CNTNAP4: variants seen among roughly 807,000 people sequenced by gnomAD.
CNTNAP4 encodes contactin associated protein family member 4.
In CNTNAP4, 98 loss-of-function variants were observed where a neutral mutation model predicts 148.4. That is an observed-to-expected ratio of 0.66 (90% CI 0.56 to 0.78). The LOEUF is 0.78. Ranked by LOEUF, CNTNAP4 falls within the 30% of genes least tolerant of loss-of-function variation. The probability of loss-of-function intolerance (pLI) is 0.00; values close to 1 mark genes in which losing one functional copy is unlikely to be tolerated. For synonymous variants in CNTNAP4, 730 were observed against 565.1 expected, an observed-to-expected ratio of 1.29 and a Z score of -4.14; for missense variants, 1,935 against 1,565.6, an observed-to-expected ratio of 1.24 and a Z score of -3.98.
At chr16:76,464,646 A>T (rs1020104277) in intron 9 of CNTNAP4, among the ~76,000 whole-genome samples, 4 of 152,090 alleles carry the variant, frequency 2.6e-5, no homozygotes, top group Non-Finnish European at 5.9e-5. Flanking sequence ...GTTTCCAGTT[A>T]TTTTATCTGG....
At chr16:76,331,104 T>C (rs1167097002) in intron 2 of CNTNAP4, among the ~76,000 whole-genome samples, 2 of 151,400 alleles carry the variant, frequency 1.3e-5, no homozygotes, top group Non-Finnish European at 3.0e-5. Flanking sequence ...TTCCAAAATA[T>C]GTTCTAAATA....
At chr16:76,553,583 C>G in intron 22 of CNTNAP4, 82 bp downstream of exon 22, 1 of 1,004,154 alleles carries the variant, frequency 1.0e-6, no homozygotes, top group East Asian at 2.6e-5. Context: ...GGCTTTCAGG[C>G]TACCTTCTCA....
intron 3 of CNTNAP4, among the ~76,000 whole-genome samples, chr16:76,364,894 C>G (rs996685497): frequency 6.6e-6 from 1 of 152,088 alleles, no homozygotes; most frequent in Non-Finnish European, 1.5e-5. Flanking sequence ...TCCCATTTGT[C>G]TATTTTGGTT....
intron 15 of CNTNAP4, among the ~76,000 whole-genome samples, chr16:76,516,841 A>G (rs1319197008): frequency 6.6e-6 from 1 of 152,206 alleles, no homozygotes; most frequent in Admixed American, 6.5e-5. Flanking sequence ...AGGTGGGTGG[A>G]TCACCTGAGG....
At chr16:76,479,373 G>T in intron 11 of CNTNAP4, 46 bp from the exon 12 acceptor site, 1 of 1,492,758 alleles carries the variant, frequency 6.7e-7, no homozygotes, top group South Asian at 1.4e-5. Flanking sequence ...AAAGTTAAGA[G>T]ATTCATTTCA....
intron 15 of CNTNAP4, among the ~76,000 whole-genome samples, chr16:76,515,026 A>C (rs1175357975): frequency 1.3e-5 from 2 of 152,176 alleles, no homozygotes; most frequent in East Asian, 3.9e-4. Context: ...GGAAATCTAA[A>C]AATCTAAACA....
chr16:76,534,578 T>A (rs1352381972), intron 17 of CNTNAP4, among the ~76,000 whole-genome samples: 2 of 152,174 alleles, frequency 1.3e-5, no homozygotes, highest in African/African-American at 4.8e-5. Flanking sequence ...TATGTATGAA[T>A]CTACCCAGGG....
intron 3 of CNTNAP4, among the ~76,000 whole-genome samples, chr16:76,386,328 G>A (rs981052068): frequency 6.6e-6 from 1 of 152,080 alleles, no homozygotes; most frequent in South Asian, 2.1e-4. Flanking sequence ...ATAGTAAAAT[G>A]AGCAATTTTT....
chr16:76,554,277 C>A (rs1302194851), intron 23 of CNTNAP4, among the ~76,000 whole-genome samples: 1 of 152,134 alleles, frequency 6.6e-6, no homozygotes, highest in Non-Finnish European at 1.5e-5. Context: ...CATATCACTG[C>A]TTCTGGAAAG....
In CNTNAP4 at chr16:76,553,466, A is replaced by G. The variant is rs1425793368; in HGVS notation, c.3626A>G (p.Asp1209Gly). Residue 1209 changes from aspartate (D) to glycine (G), a missense_variant, in exon 22 of 24, where the codon GAT becomes GGT. Transcript: ENST00000611870. ...AGCTGTATGGCCCAGCCTGGCACTG[A>G]TGCCACATCAAGGGAAAGGACACAC... is the stretch of plus-strand genomic sequence containing the variant. Reference protein sequence around the residue: ...ESSCMAQPGTDATSRERTHSF... With the variant: ...ESSCMAQPGTGATSRERTHSF... 1 of 1,612,348 alleles carries G rather than the reference A, an allele frequency of 6.2e-7. No homozygotes were observed. The highest frequency in any genetic ancestry group is 1.1e-5 in the South Asian group (1 of 90,564).
rs528871817 is a variant in CNTNAP4, at chr16:76,387,699, C to T, written c.390+32188C>T. On this transcript the variant is annotated intron_variant, in intron 3 of 23. Coordinates refer to ENST00000611870, the MANE Select transcript of CNTNAP4 (RefSeq NM_033401.5). ...ATGAAAATTAATGTTGTTTTAAAAACCATTGAACATGGACAAAATATTAAT... is the reference window on the plus strand; with the variant it reads ...ATGAAAATTAATGTTGTTTTAAAAATCATTGAACATGGACAAAATATTAAT... 3.9e-5 allele frequency among the ~76,000 whole-genome samples: 6 copies of T among 152,196 alleles called. No homozygotes were observed. The East Asian group carries it at 9.7e-4, about 25-fold the overall frequency.
chr16:76,293,306 G>A (rs1159898643), intron 1 of CNTNAP4, among the ~76,000 whole-genome samples: 2 of 152,002 alleles, frequency 1.3e-5, no homozygotes, highest in African/African-American at 4.8e-5. Context: ...TGTATGTTTA[G>A]TAGAGACGGG....
At chr16:76,546,349 A>G (rs987845784) in intron 21 of CNTNAP4, among the ~76,000 whole-genome samples, 3 of 152,146 alleles carry the variant, frequency 2.0e-5, no homozygotes, top group Non-Finnish European at 2.9e-5. Flanking sequence ...CTTCATCTGT[A>G]TTTACAGCTG....
intron 2 of CNTNAP4, among the ~76,000 whole-genome samples, chr16:76,342,250 T>A (rs1964524248): frequency 6.6e-6 from 1 of 152,134 alleles, no homozygotes; most frequent in African/African-American, 2.4e-5. Flanking sequence ...AAATATTACA[T>A]CCAGGCTTGC....
At chr16:76,345,329 G>A (rs1213371375) in intron 2 of CNTNAP4, among the ~76,000 whole-genome samples, 1 of 152,098 alleles carries the variant, frequency 6.6e-6, no homozygotes, top group Admixed American at 6.5e-5. Flanking sequence ...AGGTTACTGG[G>A]GAGTATGATT....
intron 1 of CNTNAP4, among the ~76,000 whole-genome samples, chr16:76,290,712 A>G (rs1393216643): frequency 6.6e-6 from 1 of 152,194 alleles, no homozygotes; most frequent in Non-Finnish European, 1.5e-5. Context: ...CCTTTCCTCC[A>G]TAAAAGCTTC....
At chr16:76,297,343 G>C (rs1218123216) in intron 1 of CNTNAP4, among the ~76,000 whole-genome samples, 1 of 152,030 alleles carries the variant, frequency 6.6e-6, no homozygotes, top group South Asian at 2.1e-4. Flanking sequence ...ACATCACAAA[G>C]TACTTGAGGT....
At chr16:76,552,432 T>G (rs1329018817) in intron 21 of CNTNAP4, among the ~76,000 whole-genome samples, 3 of 152,220 alleles carry the variant, frequency 2.0e-5, no homozygotes, top group Non-Finnish European at 4.4e-5. Flanking sequence ...ATGATAAATT[T>G]CTCTTGTTTA....
At chr16:76,430,530 T>G (rs1313207084) in intron 4 of CNTNAP4, among the ~76,000 whole-genome samples, 3 of 152,106 alleles carry the variant, frequency 2.0e-5, no homozygotes, top group Non-Finnish European at 4.4e-5. Context: ...AAATCCCTAT[T>G]AAAAGGAAAA....
Sources: gnomAD v4.1 joint callset for allele counts (sites outside exome capture counted in the v4.1 genomes callset) on GRCh38, gnomAD v4.1.1 for gene constraint, MANE v1.5 for transcripts, NCBI Gene and HGNC (gene_info 2026-07-23, HGNC 2026-07-21) for gene names.